The following BCAR3 variants were observed in gnomAD, a reference collection of about 807,000 sequenced individuals.
BCAR3 encodes the protein BCAR3 adaptor protein, NSP family member.
Under a neutral mutation model 80.1 loss-of-function variants are expected in BCAR3, and 37 were observed. The ratio of observed to expected loss-of-function variants is 0.46; its 90% CI spans 0.36 to 0.61. The LOEUF (loss-of-function observed/expected upper bound fraction) is 0.61. Among genes scored for constraint, BCAR3 ranks in the 20% least tolerant of loss-of-function variants. The pLI, the probability that BCAR3 is intolerant of heterozygous loss-of-function variation, is 0.00. For synonymous variants in BCAR3, 389 were observed against 418.9 expected, an observed-to-expected ratio of 0.93 and a Z score of 0.87; for missense variants, 978 against 1,068.2, an observed-to-expected ratio of 0.92 and a Z score of 1.18.
At chr1:93,662,886 C>T (rs955440155) in intron 2 of BCAR3, among the ~76,000 whole-genome samples, 2 of 152,056 alleles carry the variant, frequency 1.3e-5, no homozygotes, top group Non-Finnish European at 2.9e-5. Context: ...TGTAGCTTTT[C>T]TCTCTCTAAA....
At chr1:93,737,052 G>A (rs1295926644) in intron 2 of BCAR3, among the ~76,000 whole-genome samples, 1 of 152,226 alleles carries the variant, frequency 6.6e-6, no homozygotes, top group Non-Finnish European at 1.5e-5. Flanking sequence ...GCACACTCAA[G>A]TTTGAGAACC....
intron 3 of BCAR3, among the ~76,000 whole-genome samples, chr1:93,597,272 G>C (rs1557853097): frequency 1.3e-5 from 2 of 152,352 alleles, no homozygotes; most frequent in East Asian, 3.9e-4. Flanking sequence ...TGTAGGTAAA[G>C]TGACAAACAG....
At chr1:93,716,585 G>T (rs1650198375) in intron 2 of BCAR3, among the ~76,000 whole-genome samples, 1 of 152,200 alleles carries the variant, frequency 6.6e-6, no homozygotes, top group Non-Finnish European at 1.5e-5. Flanking sequence ...AAGATCACTT[G>T]AGGGAGCTGA....
chr1:93,819,092 G>A (rs918219783), intron 2 of BCAR3, among the ~76,000 whole-genome samples: 2 of 150,780 alleles, frequency 1.3e-5, no homozygotes, highest in African/African-American at 4.9e-5. Context: ...TTCTGAGATG[G>A]AGTCTCACTC....
chr1:93,690,390 A>G (rs746211820), intron 3 of BCAR3, among the ~76,000 whole-genome samples: 79 of 152,234 alleles, frequency 5.2e-4, no homozygotes, highest in Non-Finnish European at 1.0e-3. Context: ...AGAACCCTAC[A>G]TACATTAACT....
At chr1:93,644,567 C>A (rs1056167100) in intron 2 of BCAR3, among the ~76,000 whole-genome samples, 4 of 152,234 alleles carry the variant, frequency 2.6e-5, no homozygotes, top group African/African-American at 9.6e-5. Context: ...CCACCAGGGG[C>A]ACATTCTTTC....
chr1:93,841,308 A>T (rs1404241150), intron 2 of BCAR3, among the ~76,000 whole-genome samples: 2 of 152,202 alleles, frequency 1.3e-5, no homozygotes, highest in African/African-American at 4.8e-5. Flanking sequence ...CAAGGACAGC[A>T]TTTGTCTTCT....
At position 93,674,743 on chromosome 1, in the gene BCAR3, G is replaced by A. The variant is rs534916474; in HGVS notation, c.188C>T (p.Ser63Phe). The A allele has an allele frequency of 1.2e-6, 2 of 1,613,780 alleles. No homozygotes were observed. Among genetic ancestry groups the A allele is most frequent in the Admixed American group, 1.7e-5 (1 of 59,890 alleles). Reference protein sequence around the residue: ...RKKKGPPPIRSCDDFSHMGTL... With the variant: ...RKKKGPPPIRFCDDFSHMGTL... ...GCCCATGTGACTGAAGTCATCACAG[G>A]ACCTTATGGGAGGAGGACCTTTTTT... Residue 63 changes from serine to phenylalanine, a missense_variant, in exon 2 of 12, where the codon TCC becomes TTC. Ser to Phe is a radical substitution (Grantham distance 155). Transcript: ENST00000260502.
chr1:93,621,427 C>T (rs555818220), intron 3 of BCAR3, among the ~76,000 whole-genome samples: 3 of 152,222 alleles, frequency 2.0e-5, no homozygotes, highest in African/African-American at 4.8e-5. Context: ...CAAAGAGTCA[C>T]GTGACCAAAA....
At chr1:93,723,667 G>C (rs1650485816) in intron 2 of BCAR3, 1 of 152,122 alleles carries the variant, frequency 6.6e-6, no homozygotes, top group African/African-American at 2.4e-5. Flanking sequence ...GGAACAACAA[G>C]ACTTGGGAGG....
intron 2 of BCAR3, among the ~76,000 whole-genome samples, chr1:93,829,728 C>T (rs942721803): frequency 6.6e-6 from 1 of 152,138 alleles, no homozygotes; most frequent in African/African-American, 2.4e-5. Flanking sequence ...TGGCTGTGAG[C>T]CTTATGATGG....
At chr1:93,845,502 A>ATATATATATCATGTTGTC in intron 2 of BCAR3, 1 of 113,822 alleles carries the variant, frequency 8.8e-6, no homozygotes, top group African/African-American at 3.5e-5. Context: ...ATATATATAT[A>ATATATATATCATGTTGTC]AAACTTTGTT....
At chr1:93,748,580 G>A (rs1557674794) in intron 2 of BCAR3, among the ~76,000 whole-genome samples, 1 of 152,138 alleles carries the variant, frequency 6.6e-6, no homozygotes, top group Non-Finnish European at 1.5e-5. Context: ...TCATTAAAGG[G>A]AAGTAGCCCC....
intron 2 of BCAR3, among the ~76,000 whole-genome samples, chr1:93,757,332 TC>T (rs535950889): frequency 1.3e-5 from 2 of 152,078 alleles, no homozygotes; most frequent in African/African-American, 4.8e-5. Flanking sequence ...AGACAGCAGC[TC>T]CCCCCATTTT....
chr1:93,576,263 C>T (rs987760535), intron 7 of BCAR3, 134 bp from the exon 8 acceptor site: 17 of 679,474 alleles, frequency 2.5e-5, no homozygotes, highest in African/African-American at 2.3e-4. Context: ...TTATAAGCAG[C>T]TGCTGACAAT....
At chr1:93,719,339 T>TTG (rs1458093931) in intron 2 of BCAR3, among the ~76,000 whole-genome samples, 9 of 127,864 alleles carry the variant, frequency 7.0e-5, no homozygotes, top group Admixed American at 6.2e-4. Flanking sequence ...TTCTTGTTTT[T>TTG]TTTTTTTTTT....
At chr1:93,818,973 T>G (rs1654111655) in intron 2 of BCAR3, among the ~76,000 whole-genome samples, 2 of 152,210 alleles carry the variant, frequency 1.3e-5, no homozygotes, top group Admixed American at 1.3e-4. Flanking sequence ...TATATGATAT[T>G]TTTGTAAATA....
intron 3 of BCAR3, among the ~76,000 whole-genome samples, chr1:93,699,954 G>T (rs924092342): frequency 6.6e-6 from 1 of 152,102 alleles, no homozygotes; most frequent in Non-Finnish European, 1.5e-5. Flanking sequence ...GCCTCTCAAA[G>T]ATCATCTCCC....
intron 6 of BCAR3, 126 bp from the exon 7 acceptor site, chr1:93,583,079 C>T: frequency 1.7e-6 from 2 of 1,168,724 alleles, no homozygotes; most frequent in Admixed American, 5.7e-5. Context: ...ATTTTCATTT[C>T]CAAAAGAAAA....
Sources: gnomAD v4.1 joint callset for allele counts (sites outside exome capture counted in the v4.1 genomes callset) on GRCh38, gnomAD v4.1.1 for gene constraint, MANE v1.5 for transcripts, NCBI Gene and HGNC (gene_info 2026-07-23, HGNC 2026-07-21) for gene names.